The following RBPJ variants were observed in gnomAD, a reference collection of about 807,000 sequenced individuals.
The protein encoded by RBPJ is recombination signal binding protein for immunoglobulin kappa J region.
In RBPJ, 9 loss-of-function variants were observed where a neutral mutation model predicts 67.8. The observed-to-expected ratio is 0.13, with a 90% CI of 0.08 to 0.23. RBPJ has a LOEUF of 0.23. RBPJ is among the 10% of genes least tolerant of loss of function. The pLI is 1.00. For synonymous variants in RBPJ, 198 were observed against 203.3 expected (o/e 0.97, Z 0.22); for missense variants, 305 against 595.6 (o/e 0.51, Z 5.08).
At chr4:26,268,366 G>T (rs1162018410) in intron 1 of RBPJ, among the ~76,000 whole-genome samples, 1 of 152,136 alleles carries the variant, frequency 6.6e-6, no homozygotes, top group Non-Finnish European at 1.5e-5. Context: ...CATTTCTGGG[G>T]CCTGAGTCCT....
At chr4:26,387,250 T>C (rs892886028) in intron 2 of RBPJ, among the ~76,000 whole-genome samples, 1 of 152,142 alleles carries the variant, frequency 6.6e-6, no homozygotes, top group Non-Finnish European at 1.5e-5. Flanking sequence ...TAAAGAACGA[T>C]GGGGACCTAC....
intron 2 of RBPJ, among the ~76,000 whole-genome samples, chr4:26,405,085 G>A (rs752597844): frequency 6.6e-6 from 1 of 152,132 alleles, no homozygotes; most frequent in Non-Finnish European, 1.5e-5. Flanking sequence ...TTTTCAGTTG[G>A]TAAATATAAA....
chr4:26,201,658 A>G (rs569282062), intron 1 of RBPJ, among the ~76,000 whole-genome samples: 52 of 152,324 alleles, frequency 3.4e-4, no homozygotes, highest in African/African-American at 1.2e-3. Context: ...GTAAATCTCA[A>G]TGCATTTACA....
chr4:26,179,311 A>G (rs1716901209), intron 1 of RBPJ, among the ~76,000 whole-genome samples: 1 of 149,494 alleles, frequency 6.7e-6, no homozygotes, highest in South Asian at 2.1e-4. Context: ...TTTTTTTTGA[A>G]AGCTCCCCCA....
In RBPJ at chr4:26,169,402, G is replaced by A. The variant is rs892497040; in HGVS notation, c.-167+5788G>A. Reference sequence around the variant, plus strand: ...AGAACCTCGGATTTTCATGATCCACGAATGCTGCTGTCTGATCGTTCCTCT... The same window carrying A: ...AGAACCTCGGATTTTCATGATCCACAAATGCTGCTGTCTGATCGTTCCTCT... On this transcript the variant is annotated intron_variant, in intron 1 of 4. Transcript: ENST00000512351. Among the ~76,000 whole-genome samples, 99 of 152,344 alleles carry A rather than the reference G, an allele frequency of 6.5e-4. 2 individuals are homozygous for A. The highest frequency in any genetic ancestry group is 2.2e-3 in the African/African-American group (91 of 41,568).
chr4:26,165,130 CTT>C (rs962763896), intron 1 of RBPJ, among the ~76,000 whole-genome samples: 1 of 152,002 alleles, frequency 6.6e-6, no homozygotes, highest in Non-Finnish European at 1.5e-5. Context: ...AAAAAATTCT[CTT>C]TTAAAATAAT....
At chr4:26,112,742 TA>T in the RBPJ span, 2 of 149,310 alleles carry the variant, frequency 1.3e-5, no homozygotes, top group Non-Finnish European at 3.0e-5. Flanking sequence ...AGATAATTCT[TA>T]TAAGGGAGAA....
At chr4:26,124,845 C>T in the RBPJ span, among the ~76,000 whole-genome samples, 73,266 of 151,866 alleles carry the variant, frequency 0.48, 18,924 homozygotes, top group African/African-American at 0.63. Context: ...TTCAGCTTCA[C>T]ATAATCTTAT....
At position 26,428,864 on chromosome 4, in the gene RBPJ, T is replaced by A; in HGVS notation, c.888+4T>A. 1 of 1,595,030 alleles carries A rather than the reference T, an allele frequency of 6.3e-7. No individual in the cohort carries two copies. The highest frequency in any genetic ancestry group is 8.6e-7 in the Non-Finnish European group (1 of 1,163,776). ...AGAAAGAATAATTCAATTTCAGGTA[T>A]GTTTTTAAATTACTGGTGAAATCTA... On this transcript the variant is annotated splice_donor_region_variant and intron_variant, in intron 8 of 10. Transcript: ENST00000355476.
intron 1 of RBPJ, among the ~76,000 whole-genome samples, chr4:26,247,841 G>T (rs1719978504): frequency 6.6e-6 from 1 of 152,128 alleles, no homozygotes; most frequent in African/African-American, 2.4e-5. Context: ...AAATTCCAAG[G>T]AGTAGAGAGG....
At chr4:26,376,337 A>T (rs1357159977) in intron 1 of RBPJ, among the ~76,000 whole-genome samples, 7 of 152,256 alleles carry the variant, frequency 4.6e-5, no homozygotes, top group Admixed American at 4.6e-4. Flanking sequence ...GTCTCCATGA[A>T]TTTGACTACT....
intron 3 of RBPJ, among the ~76,000 whole-genome samples, chr4:26,408,237 A>G (rs895585652): frequency 6.6e-6 from 1 of 152,054 alleles, no homozygotes; most frequent in Non-Finnish European, 1.5e-5. Context: ...AATATTTAAG[A>G]TTCATACTGC....
At chr4:26,330,056 A>G (rs993107519) in intron 1 of RBPJ, among the ~76,000 whole-genome samples, 1 of 152,144 alleles carries the variant, frequency 6.6e-6, no homozygotes, top group Admixed American at 6.5e-5. Context: ...TGAAATTAAA[A>G]CCTGGTGATA....
In RBPJ at chr4:26,420,631, T is replaced by C; in HGVS notation, c.402T>C (p.Tyr134=). Residue 134 remains tyrosine, a synonymous_variant, in exon 5 of 11, where the codon TAT becomes TAC. Coordinates refer to ENST00000355476, the MANE Select transcript of RBPJ (RefSeq NM_015874.6). ...KHFMLSVKMF[Y]GNSDDIGVFL... ...TCATGTTGTCTGTAAAGATGTTCTA[T>C]GGCAACAGTGATGACATTGGTGTGT... The C allele has an allele frequency of 6.2e-7, 1 of 1,613,964 alleles. No individual in the cohort carries two copies. Among genetic ancestry groups the C allele is most frequent in the Non-Finnish European group, 8.5e-7 (1 of 1,179,842 alleles).
intron 2 of RBPJ, among the ~76,000 whole-genome samples, chr4:26,404,358 T>C (rs531803055): frequency 6.6e-6 from 1 of 152,334 alleles, no homozygotes; most frequent in East Asian, 1.9e-4. Flanking sequence ...ATGGTTTCTT[T>C]TGCTATGCAG....
intron 1 of RBPJ, among the ~76,000 whole-genome samples, chr4:26,280,819 C>G (rs543696158): frequency 2.0e-5 from 3 of 152,126 alleles, no homozygotes; most frequent in Non-Finnish European, 4.4e-5. Context: ...CATGTGCTAT[C>G]CAGTTTATGC....
chr4:26,416,340 A>G (rs1734587789), intron 4 of RBPJ, among the ~76,000 whole-genome samples: 1 of 152,104 alleles, frequency 6.6e-6, no homozygotes, highest in Admixed American at 6.6e-5. Flanking sequence ...GCTGACTGCA[A>G]CCTCCACCTC....
chr4:26,209,988 T>G (rs1323165487), intron 1 of RBPJ, among the ~76,000 whole-genome samples: 2 of 152,082 alleles, frequency 1.3e-5, no homozygotes, highest in African/African-American at 4.8e-5. Context: ...AAGAAAACAC[T>G]TTCAAGACCA....
intron 1 of RBPJ, among the ~76,000 whole-genome samples, chr4:26,210,721 T>A (rs1464277093): frequency 1.7e-5 from 1 of 58,020 alleles, no homozygotes; most frequent in East Asian, 4.2e-4. Context: ...CTTTCCTTCT[T>A]TCTTTCCTTC....
Sources: allele counts gnomAD v4.1 joint callset (sites outside exome capture counted in the v4.1 genomes callset), GRCh38; gene constraint gnomAD v4.1.1; transcripts MANE v1.5; gene names NCBI Gene and HGNC (gene_info 2026-07-23, HGNC 2026-07-21).